The following HPSE2 variants were observed in gnomAD, a reference collection of about 807,000 sequenced individuals.
The protein encoded by HPSE2 is inactive heparanase-2.
HPSE2 carries 38 observed loss-of-function variants against 60.5 expected under a neutral mutation model. The ratio of observed to expected loss-of-function variants is 0.63; its 90% CI spans 0.48 to 0.82. HPSE2 has a LOEUF of 0.82. Ranked by LOEUF, HPSE2 falls within the 40% of genes least tolerant of loss-of-function variation. The pLI is 0.00. For missense variants in HPSE2, 713 were observed against 740.4 expected (o/e 0.96, Z 0.43); for synonymous variants, 295 against 293.2 (o/e 1.01, Z -0.06).
At chr10:99,071,258 T>C (rs1842781394) in intron 3 of HPSE2, among the ~76,000 whole-genome samples, 1 of 151,930 alleles carries the variant, frequency 6.6e-6, no homozygotes, top group Non-Finnish European at 1.5e-5. Flanking sequence ...TTAGTAGAGA[T>C]GGGGTTTCGC....
intron 3 of HPSE2, among the ~76,000 whole-genome samples, chr10:99,106,778 C>CTT (rs1844265939): frequency 6.6e-6 from 1 of 152,054 alleles, no homozygotes; most frequent in Non-Finnish European, 1.5e-5. Context: ...AAAGTTGGGG[C>CTT]TTAAAGTGGT....
chr10:98,653,419 T>C (rs947030262), intron 6 of HPSE2, among the ~76,000 whole-genome samples: 1 of 152,056 alleles, frequency 6.6e-6, no homozygotes, highest in Non-Finnish European at 1.5e-5. Context: ...TATCTGTTTT[T>C]TTTTTAATCT....
chr10:99,287,785 T>C, the HPSE2 span, among the ~76,000 whole-genome samples: 1 of 152,196 alleles, frequency 6.6e-6, no homozygotes, highest in Non-Finnish European at 1.5e-5. Flanking sequence ...CTCAAGCTCA[T>C]TCAGCCATTA....
At chr10:99,193,642 T>C (rs1848297051) in intron 2 of HPSE2, among the ~76,000 whole-genome samples, 1 of 152,062 alleles carries the variant, frequency 6.6e-6, no homozygotes, top group African/African-American at 2.4e-5. Flanking sequence ...GCTATGTTTA[T>C]ATCACATGGA....
rs566750775 is a variant in HPSE2, at chr10:99,114,043, A to T, written c.610+30195T>A. On this transcript the variant is annotated intron_variant, in intron 3 of 11. Transcript: ENST00000370552. Reference sequence around the variant, plus strand: ...CTTAGCTAGGGACATGTGAACTGCAACACGTTGAAATACACTGGAAATAAA... The same window carrying T: ...CTTAGCTAGGGACATGTGAACTGCATCACGTTGAAATACACTGGAAATAAA... Among the ~76,000 whole-genome samples the T allele has an allele frequency of 8.3e-4, 127 of 152,246 alleles. 1 individual carries two copies. In the Middle Eastern group the frequency reaches 0.01, roughly 12 times the overall value.
chr10:98,598,718 G>A (rs949435986), intron 9 of HPSE2, among the ~76,000 whole-genome samples: 4 of 151,708 alleles, frequency 2.6e-5, no homozygotes, highest in South Asian at 2.1e-4. Context: ...GCCTGGCACT[G>A]GGATCTACTT....
At chr10:98,943,067 T>G (rs1253036473) in intron 3 of HPSE2, among the ~76,000 whole-genome samples, 11 of 112,780 alleles carry the variant, frequency 9.8e-5, no homozygotes, top group African/African-American at 1.4e-4. Flanking sequence ...AACATCACAC[T>G]CTGGGGACTG....
At chr10:98,651,773 C>CT (rs35835305) in intron 6 of HPSE2, among the ~76,000 whole-genome samples, 21,068 of 142,542 alleles carry the variant, frequency 0.15, 1,838 homozygotes, top group Admixed American at 0.23. Flanking sequence ...GAACTAGTTC[C>CT]TTTTTTTTTT....
At chr10:99,028,380 G>C (rs1016548289) in intron 3 of HPSE2, among the ~76,000 whole-genome samples, 2 of 151,974 alleles carry the variant, frequency 1.3e-5, no homozygotes, top group African/African-American at 4.8e-5. Context: ...AATTTAAAAA[G>C]TAATCCCATT....
At chr10:98,944,672 A>G (rs1955127095) in intron 3 of HPSE2, among the ~76,000 whole-genome samples, 1 of 152,166 alleles carries the variant, frequency 6.6e-6, no homozygotes, top group African/African-American at 2.4e-5. Context: ...ATAAGGCACA[A>G]TACCATTCCT....
intron 11 of HPSE2, 94 bp downstream of exon 11, chr10:98,482,542 T>G: frequency 3.3e-4 from 494 of 1,489,732 alleles, no homozygotes; most frequent in Non-Finnish European, 4.2e-4. Context: ...ACTGAGCCCT[T>G]GAGAGAATTA....
At chr10:98,579,766 C>T (rs1944742063) in intron 9 of HPSE2, among the ~76,000 whole-genome samples, 1 of 152,054 alleles carries the variant, frequency 6.6e-6, no homozygotes, top group Admixed American at 6.6e-5. Flanking sequence ...TAGTTCTCAC[C>T]CTTCCCCTCC....
At chr10:99,010,601 G>A (rs1459255224) in intron 3 of HPSE2, among the ~76,000 whole-genome samples, 1 of 152,138 alleles carries the variant, frequency 6.6e-6, no homozygotes, top group Non-Finnish European at 1.5e-5. Flanking sequence ...AACCTATTCT[G>A]GAAGTGCTTA....
At chr10:99,288,475 TA>T in the HPSE2 span, among the ~76,000 whole-genome samples, 4 of 151,454 alleles carry the variant, frequency 2.6e-5, no homozygotes, top group African/African-American at 9.7e-5. Context: ...TGAAAAAGAG[TA>T]AAAGGCAGAG....
the HPSE2 span, among the ~76,000 whole-genome samples, chr10:99,261,014 A>G: frequency 6.6e-6 from 1 of 152,172 alleles, no homozygotes; most frequent in African/African-American, 2.4e-5. Flanking sequence ...GGCACTTTTA[A>G]TTTCTCCATT....
chr10:99,070,280 A>G (rs1003283220), intron 3 of HPSE2, among the ~76,000 whole-genome samples: 3 of 152,172 alleles, frequency 2.0e-5, no homozygotes, highest in Non-Finnish European at 2.9e-5. Context: ...TTAGTAAACA[A>G]CCAAATTTTT....
At position 99,047,359 on chromosome 10, in the gene HPSE2, T is replaced by C. The variant is rs540453704; in HGVS notation, c.610+96879A>G. ...AAAATGTAAATGGAAAATCTCAAAC[T>C]ATAAAAATCCTAGAAGAAAACCTAG... is the stretch of plus-strand genomic sequence containing the variant. On this transcript the variant is annotated intron_variant, in intron 3 of 11. Transcript: ENST00000370552. 3.3e-5 allele frequency among the ~76,000 whole-genome samples: 5 copies of C among 152,206 alleles called. No individual in the cohort carries two copies. The South Asian group carries it at 1.0e-3, about 32-fold the overall frequency.
At chr10:98,665,925 C>T (rs1474745972) in intron 6 of HPSE2, among the ~76,000 whole-genome samples, 2 of 152,146 alleles carry the variant, frequency 1.3e-5, no homozygotes, top group African/African-American at 4.8e-5. Flanking sequence ...ATCAAAATCT[C>T]ACATATAAAT....
chr10:99,070,355 T>C lies in HPSE2; in HGVS notation c.610+73883A>G, dbSNP rs150336785. Reference sequence around the variant, plus strand: ...AGATATACTGATGGCAAATAAAACATGATATGATGCTCAACACTGTTATTC... The same window carrying C: ...AGATATACTGATGGCAAATAAAACACGATATGATGCTCAACACTGTTATTC... On this transcript the variant is annotated intron_variant, in intron 3 of 11. Transcript: ENST00000370552. 3.0e-4 allele frequency among the ~76,000 whole-genome samples: 45 copies of C among 152,294 alleles called. 1 individual carries two copies. In the East Asian group the frequency reaches 4.6e-3, roughly 16 times the overall value.
Sources: gnomAD v4.1 joint callset for allele counts (sites outside exome capture counted in the v4.1 genomes callset) on GRCh38, gnomAD v4.1.1 for gene constraint, MANE v1.5 for transcripts, NCBI Gene and HGNC (gene_info 2026-07-23, HGNC 2026-07-21) for gene names.